Variants in HS2ST1 observed in about 807,000 individuals in gnomAD.
HS2ST1 encodes the protein 2-O-sulfotransferase.
In HS2ST1, 18 loss-of-function variants were observed where a neutral mutation model predicts 42.9. The observed-to-expected ratio is 0.42, with a 90% confidence interval of 0.29 to 0.62. HS2ST1 has a LOEUF of 0.62. Among genes scored for constraint, HS2ST1 ranks in the 20% least tolerant of loss-of-function variants. The pLI is 0.21. For missense variants in HS2ST1, 334 were observed against 433.8 expected (o/e 0.77, Z 2.04); for synonymous variants, 146 against 152.9 (o/e 0.95, Z 0.33).
At chr1:87,023,498 G>A (rs908584913) in intron 1 of HS2ST1, among the ~76,000 whole-genome samples, 2 of 151,122 alleles carry the variant, frequency 1.3e-5, no homozygotes, top group African/African-American at 4.9e-5. Flanking sequence ...AGAATAGTAT[G>A]TATAACATGC....
chr1:87,098,683 C>T (rs1407631972), intron 5 of HS2ST1, among the ~76,000 whole-genome samples: 1 of 152,178 alleles, frequency 6.6e-6, no homozygotes. Context: ...AATTGGAAGC[C>T]TATAAAGAAT....
At chr1:87,079,879 A>AT (rs955655287) in intron 2 of HS2ST1, among the ~76,000 whole-genome samples, 4,372 of 146,626 alleles carry the variant, frequency 0.03, 184 homozygotes, top group African/African-American at 0.09. Flanking sequence ...AAAAAAAAAA[A>AT]TTTTTTTTTT....
rs538786346 is a variant in HS2ST1 at position 86,943,817 on chromosome 1, G to A, written c.124+28657G>A. On this transcript the variant is annotated intron_variant, in intron 1 of 6. Transcript: ENST00000370550. ...GAGGCAGGTGGATTACCTGAGATCA[G>A]GAGTTTGAGACCAGCCTGGCCAACA... Among the ~76,000 whole-genome samples, 4 of 152,210 alleles carry A rather than the reference G, an allele frequency of 2.6e-5. No homozygotes were observed. The South Asian group carries it at 8.3e-4, about 32-fold the overall frequency.
chr1:87,078,578 A>G (rs948071930), intron 2 of HS2ST1, among the ~76,000 whole-genome samples: 1 of 152,150 alleles, frequency 6.6e-6, no homozygotes, highest in Non-Finnish European at 1.5e-5. Context: ...TAGTGGCCTT[A>G]TTTCTTCTCC....
intron 1 of HS2ST1, among the ~76,000 whole-genome samples, chr1:87,049,419 A>G (rs554355817): frequency 9.9e-5 from 15 of 151,932 alleles, no homozygotes; most frequent in Non-Finnish European, 1.6e-4. Flanking sequence ...GTAGTGCTGT[A>G]TGTTTCCCTA....
intron 1 of HS2ST1, among the ~76,000 whole-genome samples, chr1:87,003,983 A>G (rs1279430868): frequency 1.3e-5 from 2 of 152,324 alleles, no homozygotes; most frequent in South Asian, 2.1e-4. Context: ...GTCCTCAGCT[A>G]ACTTGTTACA....
intron 2 of HS2ST1, among the ~76,000 whole-genome samples, chr1:87,081,026 C>A (rs372508978): frequency 9.9e-5 from 15 of 152,074 alleles, no homozygotes. Flanking sequence ...TTTAAACATA[C>A]GTCTGTCCAA....
At chr1:86,934,951 A>AAAAAAAAG (rs1660613896) in intron 1 of HS2ST1, 1 of 151,332 alleles carries the variant, frequency 6.6e-6, no homozygotes, top group African/African-American at 2.4e-5. Context: ...AAAAAAAAAA[A>AAAAAAAAG]AGAGTTACTG....
At chr1:87,036,339 A>G (rs1249099008) in intron 1 of HS2ST1, among the ~76,000 whole-genome samples, 2 of 152,190 alleles carry the variant, frequency 1.3e-5, no homozygotes, top group African/African-American at 4.8e-5. Context: ...GCTGGGTCAA[A>G]TGGTATTTCT....
At chr1:86,994,175 G>A (rs1018536582) in intron 1 of HS2ST1, among the ~76,000 whole-genome samples, 1 of 152,032 alleles carries the variant, frequency 6.6e-6, no homozygotes, top group Non-Finnish European at 1.5e-5. Context: ...ATTCACATTT[G>A]CTAAATCACA....
At chr1:87,076,240 GA>G (rs1207326719) in intron 2 of HS2ST1, among the ~76,000 whole-genome samples, 2 of 152,264 alleles carry the variant, frequency 1.3e-5, no homozygotes, top group East Asian at 3.9e-4. Context: ...GAGAGACATG[GA>G]AACCAAATGT....
intron 1 of HS2ST1, among the ~76,000 whole-genome samples, chr1:86,958,076 G>A (rs1647726002): frequency 6.6e-6 from 1 of 152,222 alleles, no homozygotes; most frequent in Admixed American, 6.5e-5. Context: ...ACAGGCATGA[G>A]CCATCACACC....
chr1:87,073,565 TAGATAG>T (rs758067035), intron 2 of HS2ST1, among the ~76,000 whole-genome samples: 26 of 152,246 alleles, frequency 1.7e-4, no homozygotes, highest in African/African-American at 3.4e-4. Context: ...CCCTCTTTAC[TAGATAG>T]AGATAGAGAT....
Position 87,093,413 on chromosome 1 carries a change from C to T in HS2ST1, c.588+744C>T, listed in dbSNP as rs554537952. ...TATTCCCTATATTGAGAATGCCTTT[C>T]CTTTACTCTGGAAAACTCTTTATCC... is the stretch of plus-strand genomic sequence containing the variant. On this transcript the variant is annotated intron_variant, in intron 4 of 6. Coordinates refer to ENST00000370550, the MANE Select transcript of HS2ST1 (RefSeq NM_012262.4). Among the ~76,000 whole-genome samples the T allele has an allele frequency of 6.6e-5, 10 of 152,184 alleles. No homozygotes were observed. The South Asian group carries it at 1.2e-3, about 19-fold the overall frequency.
At chr1:87,037,597 AT>A (rs369863881) in intron 1 of HS2ST1, among the ~76,000 whole-genome samples, 348 of 145,724 alleles carry the variant, frequency 2.4e-3, no homozygotes, top group South Asian at 5.6e-3. Context: ...ATAAAGTTGA[AT>A]TTTTTTTTTT....
intron 1 of HS2ST1, among the ~76,000 whole-genome samples, chr1:86,945,244 G>A (rs1374315661): frequency 2.0e-5 from 3 of 152,174 alleles, no homozygotes; most frequent in Non-Finnish European, 4.4e-5. Context: ...CTCAACATAA[G>A]AGATGTGATA....
chr1:86,949,423 T>C (rs940358431), intron 1 of HS2ST1, among the ~76,000 whole-genome samples: 4 of 152,150 alleles, frequency 2.6e-5, no homozygotes, highest in Admixed American at 1.3e-4. Flanking sequence ...ATCTTCACTT[T>C]AAATTTTTTA....
chr1:87,083,372 T>C (rs1259862776), intron 2 of HS2ST1, among the ~76,000 whole-genome samples: 1 of 152,212 alleles, frequency 6.6e-6, no homozygotes, highest in African/African-American at 2.4e-5. Context: ...CCCCACTTTC[T>C]GCACTCTATC....
intron 1 of HS2ST1, chr1:87,045,596 C>G: frequency 1.3e-6 from 1 of 785,360 alleles, no homozygotes; most frequent in South Asian, 1.3e-5. Flanking sequence ...CTTGTTTATT[C>G]AAAACAATTG....
Sources: gnomAD v4.1 joint callset for allele counts (sites outside exome capture counted in the v4.1 genomes callset) on GRCh38, gnomAD v4.1.1 for gene constraint, MANE v1.5 for transcripts, NCBI Gene and HGNC (gene_info 2026-07-23, HGNC 2026-07-21) for gene names.